Variants in NUDCD1 observed in about 807,000 individuals in gnomAD.
NUDCD1 encodes the protein nudC domain-containing protein 1.
In NUDCD1, 60 loss-of-function variants were observed where a neutral mutation model predicts 67.8. That is an observed-to-expected ratio of 0.88 (90% confidence interval 0.72 to 1.10). The LOEUF (loss-of-function observed/expected upper bound fraction) is 1.10, where lower values mean the gene tolerates loss of function less well. Among genes scored for constraint, NUDCD1 ranks in the 50% least tolerant of loss-of-function variants. The pLI is 0.00. For synonymous variants in NUDCD1, 244 were observed against 230.8 expected, an observed-to-expected ratio of 1.06 and a Z score of -0.52; for missense variants, 643 against 695.0, an observed-to-expected ratio of 0.93 and a Z score of 0.84.
chr8:109,277,891 C>T (rs1462645260), intron 6 of NUDCD1, among the ~76,000 whole-genome samples: 1 of 152,118 alleles, frequency 6.6e-6, no homozygotes, highest in African/African-American at 2.4e-5. Context: ...TTAAAAGAAA[C>T]TTTCAAGCAA....
At chr8:109,263,054 C>CAAAAAAAAAAAAAAAAAAAA (rs59659347) in intron 8 of NUDCD1, among the ~76,000 whole-genome samples, 1 of 42,014 alleles carries the variant, frequency 2.4e-5, no homozygotes. Context: ...GACTCTGTCT[C>CAAAAAAAAAAAAAAAAAAAA]AAAAAAAAAA....
At chr8:109,247,151 C>G (rs935422348) in intron 8 of NUDCD1, among the ~76,000 whole-genome samples, 7 of 152,080 alleles carry the variant, frequency 4.6e-5, no homozygotes, top group Admixed American at 4.6e-4. Context: ...CCTAACTGGC[C>G]TTTTATTATT....
intron 2 of NUDCD1, among the ~76,000 whole-genome samples, chr8:109,312,845 C>G (rs887757297): frequency 6.6e-6 from 1 of 152,034 alleles, no homozygotes; most frequent in Non-Finnish European, 1.5e-5. Context: ...CGTGATGGAG[C>G]AGGACAAAAA....
Position 109,243,269 on chromosome 8 carries a change from AT to A in NUDCD1, c.1491del (p.Lys497AsnfsTer43). The A allele has an allele frequency of 1.2e-6, 2 of 1,601,488 alleles. No homozygotes were observed. Among genetic ancestry groups the A allele is most frequent in the East Asian group, 2.2e-5 (1 of 44,600 alleles). On this transcript the variant is annotated frameshift_variant, in exon 10 of 10. Transcript: ENST00000239690. LOFTEE classifies it high-confidence loss of function. ...GAGTAATTTGGAGCACAGGCAAAAAATTTTTTGTCTCTCTTTGATGCTTGGA... is the reference window on the plus strand; with the variant it reads ...GAGTAATTTGGAGCACAGGCAAAAAATTTTTGTCTCTCTTTGATGCTTGGA... ...GYVQASKRDK[K>X]FFACAPNYSY...
At chr8:109,297,968 T>C (rs527699802) in intron 2 of NUDCD1, among the ~76,000 whole-genome samples, 1 of 152,326 alleles carries the variant, frequency 6.6e-6, no homozygotes, top group African/African-American at 2.4e-5. Context: ...GCTATAATAT[T>C]TAAGTAAACT....
At chr8:109,292,604 T>G (rs1468114719) in intron 4 of NUDCD1, among the ~76,000 whole-genome samples, 1 of 152,074 alleles carries the variant, frequency 6.6e-6, no homozygotes, top group African/African-American at 2.4e-5. Context: ...TAAAAACTAC[T>G]GAGAAAAAGA....
intron 8 of NUDCD1, among the ~76,000 whole-genome samples, chr8:109,261,915 G>A (rs1813871664): frequency 6.6e-6 from 1 of 152,022 alleles, no homozygotes; most frequent in East Asian, 1.9e-4. Context: ...CCATAAAGAA[G>A]TATAATATAT....
chr8:109,289,594 T>C (rs1814655333), intron 5 of NUDCD1, among the ~76,000 whole-genome samples, 157 bp downstream of exon 5: 1 of 152,190 alleles, frequency 6.6e-6, no homozygotes, highest in South Asian at 2.1e-4. Context: ...TAAGGTGGTA[T>C]ACCTTATAAA....
chr8:109,321,532 A>C (rs902721663), intron 2 of NUDCD1, among the ~76,000 whole-genome samples: 2 of 152,134 alleles, frequency 1.3e-5, no homozygotes, highest in African/African-American at 4.8e-5. Context: ...AAAAAGAAAA[A>C]CTGTGATTAA....
In NUDCD1 at chr8:109,242,827, T is replaced by C. The variant is rs1054426198; in HGVS notation, c.*182A>G. ...AGCCAATGTTCTCTAAATCTGCAGC[T>C]TCATTCCACAGCTTTACAGAATCAT... On this transcript the variant is annotated 3_prime_UTR_variant, in exon 10 of 10. Coordinates refer to ENST00000239690, the MANE Select transcript of NUDCD1 (RefSeq NM_032869.4). 6 of 385,278 alleles carry C rather than the reference T, an allele frequency of 1.6e-5. No individual in the cohort carries two copies. The highest frequency in any genetic ancestry group is 1.0e-4 in the African/African-American group (5 of 48,978). 23.9% of individuals were successfully genotyped at this position (385,278 alleles called of 1,614,324 possible). A position where few individuals can be genotyped will look rare whatever the true frequency, so the allele number is the denominator to read the frequency against.
chr8:109,253,798 G>T (rs2129887841), intron 8 of NUDCD1, among the ~76,000 whole-genome samples: 1 of 152,246 alleles, frequency 6.6e-6, no homozygotes, highest in African/African-American at 2.4e-5. Flanking sequence ...CACGATTAAA[G>T]TATACTTACT....
At chr8:109,318,840 A>C (rs779000170) in intron 2 of NUDCD1, among the ~76,000 whole-genome samples, 1 of 152,158 alleles carries the variant, frequency 6.6e-6, no homozygotes, top group Non-Finnish European at 1.5e-5. Context: ...TGAACTTTAC[A>C]CAGCTATTAT....
chr8:109,290,544 T>A (rs894979832), intron 4 of NUDCD1, among the ~76,000 whole-genome samples: 1 of 152,154 alleles, frequency 6.6e-6, no homozygotes, highest in African/African-American at 2.4e-5. Context: ...ATTTTAACAA[T>A]GAAATAAATT....
Position 109,242,120 on chromosome 8 carries a change from G to A in NUDCD1, c.*889C>T. On this transcript the variant is annotated 3_prime_UTR_variant, in exon 10 of 10. Coordinates refer to ENST00000239690, the MANE Select transcript of NUDCD1 (RefSeq NM_032869.4). ...CCCCCAATGAGTCATACCATCCGCTGTCAGCTTGTGTAGTCCCCTCATTCT... is the reference window on the plus strand; with the variant it reads ...CCCCCAATGAGTCATACCATCCGCTATCAGCTTGTGTAGTCCCCTCATTCT... 1 of 398,168 alleles carries A rather than the reference G, an allele frequency of 2.5e-6. No individual in the cohort carries two copies. The highest frequency in any genetic ancestry group is 4.4e-6 in the Non-Finnish European group (1 of 225,736). 24.7% of individuals were successfully genotyped at this position (398,168 alleles called of 1,614,324 possible).
chr8:109,280,223 T>G lies in NUDCD1; in HGVS notation c.1028+745A>C, dbSNP rs534282781. 2.6e-4 allele frequency among the ~76,000 whole-genome samples: 40 copies of G among 152,358 alleles called. 1 individual carries two copies. Among genetic ancestry groups the G allele is most frequent in the African/African-American group, 9.1e-4 (38 of 41,586 alleles). ...TGTCATAAAAGAGAATTTAATAATT[T>G]TTATATATTCATTATGGAAAGATCC... On this transcript the variant is annotated intron_variant, in intron 6 of 9. Coordinates refer to ENST00000239690, the MANE Select transcript of NUDCD1 (RefSeq NM_032869.4).
At chr8:109,270,090 A>AGGGGGGGGGGGGGGGGGGGGGGGGGGG (rs1563665962) in intron 8 of NUDCD1, among the ~76,000 whole-genome samples, 1 of 7,612 alleles carries the variant, frequency 1.3e-4, no homozygotes, top group East Asian at 2.8e-3. Flanking sequence ...GGGTGCCTTA[A>AGGGGGGGGGGGGGGGGGGGGGGGGGGG]GGTGGGGTGT....
chr8:109,331,902 C>T (rs1473810222), intron 1 of NUDCD1, among the ~76,000 whole-genome samples: 1 of 152,148 alleles, frequency 6.6e-6, no homozygotes, highest in East Asian at 1.9e-4. Context: ...AAACAAGGCC[C>T]TCACTGATTT....
At chr8:109,253,735 T>G (rs531774859) in intron 8 of NUDCD1, among the ~76,000 whole-genome samples, 1 of 152,156 alleles carries the variant, frequency 6.6e-6, no homozygotes, top group East Asian at 1.9e-4. Context: ...AAAAGTAAAG[T>G]GACTAAAATA....
intron 5 of NUDCD1, among the ~76,000 whole-genome samples, chr8:109,289,427 T>C (rs1356444367): frequency 6.6e-6 from 1 of 152,226 alleles, no homozygotes; most frequent in Non-Finnish European, 1.5e-5. Context: ...GTATCTTCAA[T>C]ATTACACTAT....
Sources: allele counts gnomAD v4.1 joint callset (sites outside exome capture counted in the v4.1 genomes callset), GRCh38; gene constraint gnomAD v4.1.1; transcripts MANE v1.5; gene names NCBI Gene and HGNC (gene_info 2026-07-23, HGNC 2026-07-21).